Variants in NFIB observed in about 807,000 individuals in gnomAD.
NFIB encodes nuclear factor I B, also known as nuclear factor 1 B-type.
In NFIB, 11 loss-of-function variants were observed where a neutral mutation model predicts 61.5. The ratio of observed to expected loss-of-function variants is 0.18; its 90% CI spans 0.11 to 0.30. The LOEUF is 0.30. NFIB is among the 10% of genes least tolerant of loss of function. The probability of loss-of-function intolerance (pLI) is 1.00; values close to 1 mark genes in which losing one functional copy is unlikely to be tolerated. For missense variants in NFIB, 471 were observed against 608.9 expected, an observed-to-expected ratio of 0.77 and a Z score of 2.38; for synonymous variants, 260 against 216.5, an observed-to-expected ratio of 1.20 and a Z score of -1.76.
At chr9:14,427,948 T>TTTTTTTTGTTTG in the NFIB span, among the ~76,000 whole-genome samples, 1 of 104,032 alleles carries the variant, frequency 9.6e-6, no homozygotes, top group Non-Finnish European at 2.0e-5. Context: ...TTTTTTTTTT[T>TTTTTTTTGTTTG]TTTTTTTTTT....
At chr9:14,185,942 TCCATGTC>T (rs2047289584) in intron 2 of NFIB, among the ~76,000 whole-genome samples, 1 of 152,188 alleles carries the variant, frequency 6.6e-6, no homozygotes, top group Non-Finnish European at 1.5e-5. Context: ...TTGTTGAAGG[TCCATGTC>T]CCTACTTTGC....
rs2060394512 is a variant in NFIB at position 14,313,580 on chromosome 9, A to G, written c.-69T>C. On this transcript the variant is annotated 5_prime_UTR_variant, in exon 1 of 11. Coordinates refer to ENST00000380953, the MANE Select transcript of NFIB (RefSeq NM_001190737.2). This position sits in a 1 kb window ranked among gnomAD's most constrained non-coding sequence, Gnocchi z 4.5. ...TCTTCGAGAAGCAAGAATTTCATCT[A>G]TTCATTTTACAGTCATCTGAGCCCC... 2 of 1,611,362 alleles carry G rather than the reference A, an allele frequency of 1.2e-6. No homozygotes were observed. Among genetic ancestry groups the G allele is most frequent in the Non-Finnish European group, 1.7e-6 (2 of 1,178,636 alleles).
Position 14,313,743 on chromosome 9 carries a change from T to C in NFIB, c.-232A>G. 3 of 1,389,498 alleles carry C rather than the reference T, an allele frequency of 2.2e-6. No homozygotes were observed. Among genetic ancestry groups the C allele is most frequent in the African/African-American group, 1.5e-5 (1 of 68,238 alleles). 86.1% of individuals were successfully genotyped at this position (1,389,498 alleles called of 1,614,324 possible). ...AGGGGTGAAATCCAATCTACACTTT[T>C]AACCCTCTTGCAGTCCGAGCGCGCT... On this transcript the variant is annotated 5_prime_UTR_variant, in exon 1 of 11. Coordinates refer to ENST00000380953, the MANE Select transcript of NFIB (RefSeq NM_001190737.2). This position sits in a 1 kb window ranked among gnomAD's most constrained non-coding sequence, Gnocchi z 4.5.
chr9:14,300,178 C>T (rs766371677), intron 2 of NFIB: 2 of 398,502 alleles, frequency 5.0e-6, no homozygotes, highest in Non-Finnish European at 4.4e-6. Flanking sequence ...TAAAATGAGA[C>T]AACATACCAC....
At chr9:14,475,851 C>T in the NFIB span, among the ~76,000 whole-genome samples, 6 of 152,154 alleles carry the variant, frequency 3.9e-5, no homozygotes, top group Admixed American at 3.9e-4. Context: ...GCCTAAATAA[C>T]ATAATTAGCG....
chr9:14,285,841 A>G (rs1225530155), intron 2 of NFIB, among the ~76,000 whole-genome samples: 2 of 152,052 alleles, frequency 1.3e-5, no homozygotes, highest in African/African-American at 4.8e-5. Context: ...GCATCAGGTC[A>G]CTATGTAAAG....
chr9:14,161,404 G>A (rs1176757251), intron 3 of NFIB, among the ~76,000 whole-genome samples: 1 of 152,014 alleles, frequency 6.6e-6, no homozygotes, highest in Non-Finnish European at 1.5e-5. Context: ...GATGATTTAG[G>A]TGATCTTGGA....
chr9:14,357,144 C>T lies in NFIB; in HGVS notation c.108+41380G>A, dbSNP rs1490649941. ...TAAATTAATATAGGGCCTTCTTTTT[C>T]ATTGCAGGTCTGCAGGACACACCAA... On this transcript the variant is annotated intron_variant, in intron 1 of 8. Transcript: ENST00000380934. The T allele has an allele frequency of 2.6e-5, 4 of 152,188 alleles. No homozygotes were observed. The East Asian group carries it at 7.7e-4, about 29-fold the overall frequency. The allele number at this position is 152,188 out of a possible 1,614,324, so 9.4% of individuals were successfully genotyped here. A position where few individuals can be genotyped will look rare whatever the true frequency, so the allele number is the denominator to read the frequency against.
the NFIB span, among the ~76,000 whole-genome samples, chr9:14,518,562 T>C: frequency 4.6e-5 from 7 of 150,856 alleles, no homozygotes; most frequent in African/African-American, 7.3e-5. Context: ...GAAAGAGGAG[T>C]AGAAAGAAGT....
chr9:14,186,379 T>A (rs2047336822), intron 2 of NFIB, among the ~76,000 whole-genome samples: 2 of 152,098 alleles, frequency 1.3e-5, no homozygotes, highest in Non-Finnish European at 2.9e-5. Flanking sequence ...ACCATGAGAT[T>A]TTTTTTAAGG....
At chr9:14,288,554 G>C (rs972519558) in intron 2 of NFIB, among the ~76,000 whole-genome samples, 2 of 151,844 alleles carry the variant, frequency 1.3e-5, no homozygotes, top group Non-Finnish European at 2.9e-5. Context: ...ATTTTGTTTT[G>C]GTTTTGTTAC....
the NFIB span, among the ~76,000 whole-genome samples, chr9:14,508,444 TA>T: frequency 2.0e-5 from 3 of 152,340 alleles, no homozygotes; most frequent in African/African-American, 7.2e-5. Context: ...TTGTTTGATC[TA>T]GGGGTGAGGA....
chr9:14,220,305 C>T (rs2051481768), intron 2 of NFIB, among the ~76,000 whole-genome samples: 2 of 152,200 alleles, frequency 1.3e-5, no homozygotes, highest in Admixed American at 1.3e-4. Flanking sequence ...AATTAGTACA[C>T]GCTTCATAAA....
the NFIB span, among the ~76,000 whole-genome samples, chr9:14,463,312 A>G: frequency 4.6e-5 from 7 of 151,974 alleles, no homozygotes; most frequent in Non-Finnish European, 8.8e-5. Flanking sequence ...AATATAAAAG[A>G]AGAGTTGGAT....
chr9:14,132,702 G>C (rs1220702475), intron 6 of NFIB, among the ~76,000 whole-genome samples: 1 of 151,970 alleles, frequency 6.6e-6, no homozygotes, highest in Non-Finnish European at 1.5e-5. Context: ...CAAGTAGCTA[G>C]GACTATGGGC....
chr9:14,268,200 G>C (rs1044734207), intron 2 of NFIB, among the ~76,000 whole-genome samples: 4 of 151,502 alleles, frequency 2.6e-5, no homozygotes, highest in Non-Finnish European at 5.9e-5. Context: ...AAATTTAAAA[G>C]CCTGGCTTAA....
At chr9:14,501,214 T>G in the NFIB span, among the ~76,000 whole-genome samples, 1 of 152,172 alleles carries the variant, frequency 6.6e-6, no homozygotes, top group Admixed American at 6.5e-5. Flanking sequence ...TAAATGTGGT[T>G]CTTTAGAATC....
chr9:14,462,076 A>G, the NFIB span, among the ~76,000 whole-genome samples: 2 of 152,164 alleles, frequency 1.3e-5, no homozygotes, highest in East Asian at 3.9e-4. Flanking sequence ...TAGAAATGGA[A>G]GTTTCGCATT....
intron 2 of NFIB, among the ~76,000 whole-genome samples, chr9:14,233,644 G>A (rs1379979277): frequency 6.6e-6 from 1 of 151,924 alleles, no homozygotes; most frequent in Non-Finnish European, 1.5e-5. Flanking sequence ...TGGCCAGGCT[G>A]GTCTCAAACT....
Sources: allele counts gnomAD v4.1 joint callset (sites outside exome capture counted in the v4.1 genomes callset), GRCh38; gene constraint gnomAD v4.1.1; non-coding constraint Gnocchi (gnomAD v3.1); transcripts MANE v1.5; gene names NCBI Gene and HGNC (gene_info 2026-07-23, HGNC 2026-07-21).